THSD7A: variants seen among roughly 807,000 people sequenced by gnomAD.
THSD7A encodes thrombospondin type-1 domain-containing protein 7A.
A neutral mutation model predicts 231.3 loss-of-function variants in THSD7A; 96 were observed. The observed-to-expected ratio is 0.41, with a 90% confidence interval of 0.35 to 0.49. The LOEUF (loss-of-function observed/expected upper bound fraction) is 0.49, where lower values mean the gene tolerates loss of function less well. THSD7A is among the 20% of genes least tolerant of loss of function. The probability of loss-of-function intolerance (pLI) is 0.05; values close to 1 mark genes in which losing one functional copy is unlikely to be tolerated. For missense variants in THSD7A, 2,290 were observed against 2,070.2 expected, an observed-to-expected ratio of 1.11 and a Z score of -2.06; for synonymous variants, 940 against 743.3, an observed-to-expected ratio of 1.26 and a Z score of -4.30.
rs190227136 is a variant in THSD7A, at chr7:11,709,567, T to G, written c.191-72606A>C. ...ACCCATCTCCAACTGCTGTCTCTTT[T>G]GGTGTATAGTTCAGTCAATACCTGA... On this transcript the variant is annotated intron_variant, in intron 1 of 27. Transcript: ENST00000423059. Among the ~76,000 whole-genome samples, 45 of 150,988 alleles carry G rather than the reference T, an allele frequency of 3.0e-4. 1 individual carries two copies. Among genetic ancestry groups the G allele is most frequent in the Non-Finnish European group, 8.9e-5 (6 of 67,218 alleles).
rs1162945206 is a variant in THSD7A at position 11,636,435 on chromosome 7, C to T, written c.717G>A (p.Gln239=). 6.2e-7 allele frequency: 1 copy of T among 1,613,718 alleles called. No individual in the cohort carries two copies. The highest frequency in any genetic ancestry group is 8.5e-7 in the Non-Finnish European group (1 of 1,179,852). ...CCTCGCATGGACTGGATTGGCACAC[C>T]TGGAACTCCGTCAGGTTTGGACAGC... ...GSGCPNLTEF[Q]VCQSSPCEAE... Residue 239 remains glutamine, a synonymous_variant, in exon 2 of 28, where the codon CAG becomes CAA. Transcript: ENST00000423059. The surrounding 1 kb of genome is among the most constrained non-coding windows in gnomAD (Gnocchi z 10.0).
In THSD7A at chr7:11,571,024, G is replaced by C. The variant is rs1790605829; in HGVS notation, c.1453+19436C>G. 2.0e-5 allele frequency among the ~76,000 whole-genome samples: 3 copies of C among 152,274 alleles called. No individual in the cohort carries two copies. In the South Asian group the frequency reaches 6.2e-4, roughly 32 times the overall value. ...CAGCACTTCTTGGCTGGACCTTCTT[G>C]GCTGTGATTTTCTTGCTCCTTTCTC... On this transcript the variant is annotated intron_variant, in intron 4 of 27. Coordinates refer to ENST00000423059, the MANE Select transcript of THSD7A (RefSeq NM_015204.3).
chr7:11,729,986 T>A (rs549593592), intron 1 of THSD7A, among the ~76,000 whole-genome samples: 1 of 151,870 alleles, frequency 6.6e-6, no homozygotes, highest in Admixed American at 6.6e-5. Flanking sequence ...AAAACATAAC[T>A]AGCTTAGGAA....
intron 1 of THSD7A, among the ~76,000 whole-genome samples, chr7:11,652,873 G>A (rs148308951): frequency 1.4e-4 from 21 of 151,946 alleles, no homozygotes; most frequent in African/African-American, 4.6e-4. Context: ...ACTGAATTTT[G>A]TTAGGTTAAA....
chr7:11,646,268 TTAC>T (rs949337076), intron 1 of THSD7A, among the ~76,000 whole-genome samples: 2 of 151,970 alleles, frequency 1.3e-5, no homozygotes, highest in African/African-American at 4.8e-5. Context: ...TCCCAAATAA[TTAC>T]TACAACCAAA....
At chr7:11,733,477 G>A (rs945389782) in intron 1 of THSD7A, among the ~76,000 whole-genome samples, 3 of 151,844 alleles carry the variant, frequency 2.0e-5, no homozygotes, top group Non-Finnish European at 2.9e-5. Flanking sequence ...AAGAGTTTTG[G>A]ATAACTTTAT....
intron 1 of THSD7A, among the ~76,000 whole-genome samples, chr7:11,742,620 C>T (rs545853443): frequency 2.6e-5 from 4 of 152,004 alleles, no homozygotes; most frequent in Non-Finnish European, 4.4e-5. Context: ...AAAAAATTCA[C>T]GTCCTTTCAG....
At chr7:11,644,663 C>A (rs1307255139) in intron 1 of THSD7A, among the ~76,000 whole-genome samples, 1 of 151,862 alleles carries the variant, frequency 6.6e-6, no homozygotes, top group African/African-American at 2.4e-5. Flanking sequence ...CTGTTTAAAT[C>A]TGATGAGAAA....
intron 7 of THSD7A, among the ~76,000 whole-genome samples, chr7:11,480,971 T>C (rs940484995): frequency 6.6e-6 from 1 of 152,216 alleles, no homozygotes; most frequent in South Asian, 2.1e-4. Flanking sequence ...CATACACTTA[T>C]ATTCTTGAGA....
intron 3 of THSD7A, among the ~76,000 whole-genome samples, chr7:11,591,946 C>T (rs910582280): frequency 1.3e-4 from 20 of 152,090 alleles, no homozygotes; most frequent in African/African-American, 4.6e-4. Context: ...AAAAATGCTT[C>T]CCCCCAAAAA....
chr7:11,812,473 TATC>T (rs1394478984), intron 1 of THSD7A, among the ~76,000 whole-genome samples: 7 of 152,172 alleles, frequency 4.6e-5, no homozygotes, highest in Admixed American at 3.9e-4. Context: ...TAAAATACGT[TATC>T]ATTTACGTCA....
chr7:11,756,048 A>G (rs1466361465), intron 1 of THSD7A, among the ~76,000 whole-genome samples: 2 of 152,038 alleles, frequency 1.3e-5, no homozygotes, highest in African/African-American at 4.8e-5. Flanking sequence ...CACTTATCTC[A>G]TAGCAACATT....
At chr7:11,786,414 C>T (rs1783794962) in intron 1 of THSD7A, among the ~76,000 whole-genome samples, 1 of 152,076 alleles carries the variant, frequency 6.6e-6, no homozygotes, top group Non-Finnish European at 1.5e-5. Flanking sequence ...GTCTCCACCA[C>T]TTCCACATTT....
chr7:11,617,606 A>G (rs1296226581), intron 2 of THSD7A, among the ~76,000 whole-genome samples: 1 of 152,202 alleles, frequency 6.6e-6, no homozygotes, highest in Non-Finnish European at 1.5e-5. Flanking sequence ...CTAATACTTC[A>G]CACTCTAGCA....
At chr7:11,480,204 G>A (rs1786366689) in intron 7 of THSD7A, among the ~76,000 whole-genome samples, 1 of 152,174 alleles carries the variant, frequency 6.6e-6, no homozygotes, top group Admixed American at 6.6e-5. Context: ...CTCAGTGGAT[G>A]ATACATATCA....
At chr7:11,482,453 G>T (rs1477196027) in intron 6 of THSD7A, among the ~76,000 whole-genome samples, 1 of 152,110 alleles carries the variant, frequency 6.6e-6, no homozygotes, top group African/African-American at 2.4e-5. Flanking sequence ...GTGTCTCTCA[G>T]AGTAGTTATT....
In THSD7A at chr7:11,421,230, G is replaced by A. The variant is rs1016452371; in HGVS notation, c.3383+3466C>T. Among the ~76,000 whole-genome samples the A allele has an allele frequency of 2.0e-5, 3 of 152,102 alleles. No individual in the cohort carries two copies. The South Asian group carries it at 6.2e-4, about 32-fold the overall frequency. ...CACCCAAATCTCATGTTGGGGGAGGGACCTGGTAGGAGGTGATTGGATCAT... is the reference window on the plus strand; with the variant it reads ...CACCCAAATCTCATGTTGGGGGAGGAACCTGGTAGGAGGTGATTGGATCAT... On this transcript the variant is annotated intron_variant, in intron 16 of 27. Transcript: ENST00000423059.
At chr7:11,638,458 T>C (rs1043836819) in intron 1 of THSD7A, among the ~76,000 whole-genome samples, 5 of 152,222 alleles carry the variant, frequency 3.3e-5, no homozygotes, top group Non-Finnish European at 7.3e-5. Context: ...ATATTTAATC[T>C]AAACATTTAA....
At chr7:11,599,402 G>A (rs1170952577) in intron 2 of THSD7A, among the ~76,000 whole-genome samples, 1 of 152,178 alleles carries the variant, frequency 6.6e-6, no homozygotes, top group African/African-American at 2.4e-5. Context: ...GTGGCCAGCT[G>A]CAGAAAAGAA....
Sources: allele counts gnomAD v4.1 joint callset (sites outside exome capture counted in the v4.1 genomes callset), GRCh38; gene constraint gnomAD v4.1.1; non-coding constraint Gnocchi (gnomAD v3.1); transcripts MANE v1.5; gene names NCBI Gene and HGNC (gene_info 2026-07-23, HGNC 2026-07-21).